Variants in RYR1 observed in about 807,000 individuals in gnomAD.
The protein encoded by RYR1 is ryanodine receptor 1.
In RYR1, 342 loss-of-function variants were observed where a neutral mutation model predicts 583.5. That is an observed-to-expected ratio of 0.59 (90% CI 0.54 to 0.64). The LOEUF (loss-of-function observed/expected upper bound fraction) is 0.64. Among genes scored for constraint, RYR1 ranks in the 30% least tolerant of loss-of-function variants. The probability of loss-of-function intolerance (pLI) is 0.00; values close to 1 mark genes in which losing one functional copy is unlikely to be tolerated. For synonymous variants in RYR1, 2,791 were observed against 2,822.5 expected (o/e 0.99, Z 0.35); for missense variants, 6,032 against 6,917.2 (o/e 0.87, Z 4.54).
chr19:38,482,180 C>T (rs1397129829), intron 31 of RYR1, among the ~76,000 whole-genome samples: 2 of 152,120 alleles, frequency 1.3e-5, no homozygotes, highest in Non-Finnish European at 2.9e-5. Flanking sequence ...GACAGGATCC[C>T]AGGGGCTTCC....
intron 1 of RYR1, among the ~76,000 whole-genome samples, chr19:38,440,099 T>C (rs1972603423): frequency 6.6e-6 from 1 of 152,196 alleles, no homozygotes; most frequent in Non-Finnish European, 1.5e-5. Flanking sequence ...TTGGTCCATC[T>C]GTGTCCCACT....
rs368684717 is a variant in RYR1 at position 38,506,851 on chromosome 19, G to A, written c.8715G>A (p.Leu2905=). 7 of 1,614,054 alleles carry A rather than the reference G, an allele frequency of 4.3e-6. No homozygotes were observed. In the Admixed American group the frequency reaches 1.0e-4, roughly 23 times the overall value. ...CAGGCGGTGGGACCCACCCCCTGCTGGTCCCCTACGACACGCTCACGGCCA... is the reference window on the plus strand; with the variant it reads ...CAGGCGGTGGGACCCACCCCCTGCTAGTCCCCTACGACACGCTCACGGCCA... ...EAKGGGTHPL[L]VPYDTLTAKE... Residue 2905 remains leucine (L), a synonymous_variant, in exon 57 of 106, where the codon CTG becomes CTA. Coordinates refer to ENST00000359596, the MANE Select transcript of RYR1 (RefSeq NM_000540.3).
At chr19:38,492,739 AG>A in intron 38 of RYR1, 103 bp downstream of exon 38, 1 of 1,216,560 alleles carries the variant, frequency 8.2e-7, no homozygotes. Flanking sequence ...GATGCAAGGG[AG>A]GGGTAGATAG....
In RYR1 at chr19:38,440,851, C is replaced by T. The variant is rs193922749; in HGVS notation, c.152C>T (p.Thr51Ile). 3 of 1,611,932 alleles carry T rather than the reference C, an allele frequency of 1.9e-6. No homozygotes were observed. The East Asian group carries it at 6.7e-5, about 36-fold the overall frequency. Residue 51 changes from threonine (T) to isoleucine (I), a missense_variant, in exon 2 of 106, where the codon ACT becomes ATT. By Grantham distance (89) the Thr-to-Ile change is moderately conservative (BLOSUM62 -1). Around this residue, in one of 11 missense-constraint regions of RYR1, gnomAD observed 71 missense variants for 75.3 expected, o/e 0.94. Transcript: ENST00000359596. Reference sequence around the variant, plus strand: ...AACCGCCTGTGCTTCCTGGAGCCCACTAGCAACGCGCAGGTCTGTGCAGGA... The same window carrying T: ...AACCGCCTGTGCTTCCTGGAGCCCATTAGCAACGCGCAGGTCTGTGCAGGA... ...FGNRLCFLEP[T>I]SNAQNVPPDL...
intron 1 of RYR1, among the ~76,000 whole-genome samples, chr19:38,437,412 C>T (rs1275367561): frequency 6.6e-6 from 1 of 152,082 alleles, no homozygotes; most frequent in East Asian, 1.9e-4. Context: ...GGCTCTCTGT[C>T]GCTGCTTTGC....
At chr19:38,582,524 G>T (rs1389840435) in intron 101 of RYR1, among the ~76,000 whole-genome samples, 2 of 152,000 alleles carry the variant, frequency 1.3e-5, no homozygotes, top group African/African-American at 4.8e-5. Flanking sequence ...AGTGACTCAC[G>T]CCTGTAATCC....
chr19:38,506,388 T>C lies in RYR1; in HGVS notation c.8616+11T>C, dbSNP rs1179891196. 15 of 1,613,588 alleles carry C rather than the reference T, an allele frequency of 9.3e-6. No individual in the cohort carries two copies. The highest frequency in any genetic ancestry group is 2.2e-5 in the East Asian group (1 of 44,816). On this transcript the variant is annotated intron_variant, in intron 55 of 105. Transcript: ENST00000359596. Reference sequence around the variant, plus strand: ...TCCCGGGAGCTGCAGGTGAGAGCCCTGATCCTTTTGGGGGGACATAGGGTG... The same window carrying C: ...TCCCGGGAGCTGCAGGTGAGAGCCCCGATCCTTTTGGGGGGACATAGGGTG...
chr19:38,536,846 C>T (rs1296082658), intron 83 of RYR1, 79 bp downstream of exon 83: 1 of 1,471,252 alleles, frequency 6.8e-7, no homozygotes, highest in Non-Finnish European at 9.5e-7. Context: ...CACCTAGGGG[C>T]TGAGGATCTG....
At chr19:38,548,533 C>T in intron 89 of RYR1, 113 bp downstream of exon 89, 3 of 968,982 alleles carry the variant, frequency 3.1e-6, no homozygotes, top group Non-Finnish European at 4.8e-6. Flanking sequence ...CCTCACTTTC[C>T]TTGTTTGTAA....
In RYR1 at chr19:38,505,857, G is replaced by A. The variant is rs1970420042; in HGVS notation, c.8452G>A (p.Ala2818Thr). The A allele has an allele frequency of 6.2e-7, 1 of 1,614,068 alleles. No individual in the cohort carries two copies. Among genetic ancestry groups the A allele is most frequent in the Admixed American group, 1.7e-5 (1 of 59,992 alleles). Residue 2818 changes from alanine (A) to threonine (T), a missense_variant, in exon 54 of 106, where the codon GCC becomes ACC. Around this residue, in one of 11 missense-constraint regions of RYR1, gnomAD observed 1,493 missense variants for 1,715.5 expected, o/e 0.87. Transcript: ENST00000359596. ...PIKESLKAMI[A>T]WEWTIEKARE... Reference sequence around the variant, plus strand: ...CAAGGAGTCCCTGAAGGCCATGATTGCCTGGGAATGGACGATAGAGAAGGC... The same window carrying A: ...CAAGGAGTCCCTGAAGGCCATGATTACCTGGGAATGGACGATAGAGAAGGC...
rs552386494 is a variant in RYR1, at chr19:38,437,570, T to C, written c.46-3175T>C. Reference sequence around the variant, plus strand: ...TGGCTCACACCTGTAATCCCTTCGCTTTGGGAGGCTGAAGCAGGACGATTG... The same window carrying C: ...TGGCTCACACCTGTAATCCCTTCGCCTTGGGAGGCTGAAGCAGGACGATTG... On this transcript the variant is annotated intron_variant, in intron 1 of 105. Coordinates refer to ENST00000359596, the MANE Select transcript of RYR1 (RefSeq NM_000540.3). Among the ~76,000 whole-genome samples, 75 of 152,164 alleles carry C rather than the reference T, an allele frequency of 4.9e-4. No homozygotes were observed. In the Middle Eastern group the frequency reaches 0.014, roughly 28 times the overall value.
In RYR1 at chr19:38,504,718, T is replaced by A. The variant is rs763641325; in HGVS notation, c.8068-30T>A. On this transcript the variant is annotated intron_variant, in intron 50 of 105. Coordinates refer to ENST00000359596, the MANE Select transcript of RYR1 (RefSeq NM_000540.3). Reference sequence around the variant, plus strand: ...GGGGTCAGTAAGGCTTATAGCGACCTCCTACCCCTGCTTCACCCGGTTTTC... The same window carrying A: ...GGGGTCAGTAAGGCTTATAGCGACCACCTACCCCTGCTTCACCCGGTTTTC... 6.0e-6 allele frequency: 5 copies of A among 839,940 alleles called. No homozygotes were observed. In the African/African-American group the frequency reaches 2.3e-4, roughly 39 times the overall value. The allele number at this position is 839,940 out of a possible 1,614,324, so 52.0% of individuals were successfully genotyped here.
chr19:38,550,421 C>A (rs1381828613), intron 89 of RYR1, among the ~76,000 whole-genome samples: 1 of 152,142 alleles, frequency 6.6e-6, no homozygotes, highest in Admixed American at 6.6e-5. Context: ...TAGGGTTATG[C>A]ATCTTTTGCA....
At chr19:38,511,719 C>A in intron 61 of RYR1, 109 bp downstream of exon 61, 1 of 1,331,378 alleles carries the variant, frequency 7.5e-7, no homozygotes, top group Non-Finnish European at 1.1e-6. Context: ...TTGTTTTCTT[C>A]CCCTGGACCT....
chr19:38,499,058 G>A lies in RYR1; in HGVS notation c.6892-50G>A, dbSNP rs1969975263. ...GGCAGGGCAGAGGGCTGAGCCCCAGGAGGAAGGTGGCATGGGTCTGGTCTC... is the reference window on the plus strand; with the variant it reads ...GGCAGGGCAGAGGGCTGAGCCCCAGAAGGAAGGTGGCATGGGTCTGGTCTC... On this transcript the variant is annotated intron_variant, in intron 42 of 105. Coordinates refer to ENST00000359596, the MANE Select transcript of RYR1 (RefSeq NM_000540.3). This position sits in a 1 kb window ranked among gnomAD's most constrained non-coding sequence, Gnocchi z 7.3. 6.2e-7 allele frequency: 1 copy of A among 1,608,816 alleles called. No homozygotes were observed. The highest frequency in any genetic ancestry group is 8.5e-7 in the Non-Finnish European group (1 of 1,176,914).
At position 38,580,487 on chromosome 19, in the gene RYR1, TGTGATGAC is replaced by T; in HGVS notation, c.14630_14637del (p.Cys4877TyrfsTer29). 1.2e-6 allele frequency: 2 copies of T among 1,613,876 alleles called. No individual in the cohort carries two copies. Among genetic ancestry groups the T allele is most frequent in the Non-Finnish European group, 1.7e-6 (2 of 1,179,970 alleles). On this transcript the variant is annotated frameshift_variant, in exon 101 of 106. Coordinates refer to ENST00000359596, the MANE Select transcript of RYR1 (RefSeq NM_000540.3). LOFTEE classifies it high-confidence loss of function. ...GGATGAGGATGAACCTGACATGAAG[TGTGATGAC>T]ATGATGACGGTGAGCCCCTCCCCTA...
rs758339487 is a variant in RYR1 at position 38,485,605 on chromosome 19, G to A, written c.4950G>A (p.Leu1650=). ...IPEENRCMDI[L]ELSERLDLQR... ...TCTGCTGCAGGTGCATGGACATCCTGGAGCTGTCGGAGCGCCTGGACCTGC... is the reference window on the plus strand; with the variant it reads ...TCTGCTGCAGGTGCATGGACATCCTAGAGCTGTCGGAGCGCCTGGACCTGC... Residue 1650 remains leucine, a synonymous_variant, in exon 34 of 106, where the codon CTG becomes CTA. Coordinates refer to ENST00000359596, the MANE Select transcript of RYR1 (RefSeq NM_000540.3). 1.7e-5 allele frequency: 27 copies of A among 1,609,460 alleles called. No individual in the cohort carries two copies. The highest frequency in any genetic ancestry group is 2.1e-5 in the Non-Finnish European group (25 of 1,179,970).
At chr19:38,452,674 C>G in intron 12 of RYR1, 145 bp from the exon 13 acceptor site, 1 of 751,342 alleles carries the variant, frequency 1.3e-6, no homozygotes, top group Non-Finnish European at 2.1e-6. Context: ...TGACCTCGGA[C>G]AAATGCTTTT....
intron 89 of RYR1, among the ~76,000 whole-genome samples, chr19:38,551,797 C>A (rs1972677782): frequency 6.6e-6 from 1 of 152,188 alleles, no homozygotes; most frequent in Non-Finnish European, 1.5e-5. Context: ...TGCCTCCCAG[C>A]TGATCCCTCC....
Sources: allele counts gnomAD v4.1 joint callset (sites outside exome capture counted in the v4.1 genomes callset), GRCh38; gene constraint gnomAD v4.1.1; regional missense constraint gnomAD v4.1.1; non-coding constraint Gnocchi (gnomAD v3.1); transcripts MANE v1.5; gene names NCBI Gene and HGNC (gene_info 2026-07-23, HGNC 2026-07-21).